The following RNF183 variants were observed in gnomAD, a reference collection of about 807,000 sequenced individuals.
The protein encoded by RNF183 is ring finger protein 183, also known as E3 ubiquitin-protein ligase RNF183.
In RNF183, 4 loss-of-function variants were observed where a neutral mutation model predicts 9.0. That is an observed-to-expected ratio of 0.44 (90% CI 0.22 to 1.01). The LOEUF is 1.01. Among genes scored for constraint, RNF183 ranks in the 50% least tolerant of loss-of-function variants. The pLI is 0.25. For synonymous variants in RNF183, 102 were observed against 107.5 expected, an observed-to-expected ratio of 0.95 and a Z score of 0.32; for missense variants, 227 against 253.6, an observed-to-expected ratio of 0.89 and a Z score of 0.71.
In RNF183 at chr9:113,298,175, G is replaced by C; in HGVS notation, c.10C>G (p.Gln4Glu). 6.2e-7 allele frequency: 1 copy of C among 1,610,790 alleles called. No individual in the cohort carries two copies. Among genetic ancestry groups the C allele is most frequent in the Non-Finnish European group, 8.5e-7 (1 of 1,178,060 alleles). Residue 4 changes from glutamine (Q) to glutamate (E), a missense_variant, in exon 5 of 5, where the codon CAG becomes GAG. By Grantham distance (29) the Gln-to-Glu change is conservative. Transcript: ENST00000489339. The surrounding 1 kb of genome is among the most constrained non-coding windows in gnomAD (Gnocchi z 4.9). MAE[Q>E]QGRELEAECP... ...TCAGCCTCAAGCTCCCGGCCCTGCT[G>C]CTCAGCCATCCTCAGCCACACACGG... is the stretch of plus-strand genomic sequence containing the variant.
In RNF183 at chr9:113,297,995, CT is replaced by C; in HGVS notation, c.189del (p.Val64CysfsTer88). 6.2e-7 allele frequency: 1 copy of C among 1,613,914 alleles called. No homozygotes were observed. The highest frequency in any genetic ancestry group is 1.1e-5 in the South Asian group (1 of 91,058). Reference sequence around the variant, plus strand: ...GTGACAGGCTGCCCTGAGGCCAGCACTGTGGGCTGGCGACAGAGTGGGCACA... The same window carrying C: ...GTGACAGGCTGCCCTGAGGCCAGCACGTGGGCTGGCGACAGAGTGGGCACA... ...RLLCPLCRQP[T>X]VLASGQPVTD... is the part of the protein sequence containing the mutation. On this transcript the variant is annotated frameshift_variant, in exon 5 of 5. Transcript: ENST00000489339. LOFTEE classifies it high-confidence loss of function.
At chr9:113,302,845 G>C (rs570600491) in intron 1 of RNF183, among the ~76,000 whole-genome samples, 1 of 152,228 alleles carries the variant, frequency 6.6e-6, no homozygotes, top group African/African-American at 2.4e-5. Flanking sequence ...ATTATTTTTA[G>C]ACCCATTTTC....
At chr9:113,301,785 G>A (rs1832925286) in intron 2 of RNF183, 34 bp from the exon 3 acceptor site, 1 of 152,230 alleles carries the variant, frequency 6.6e-6, no homozygotes, top group African/African-American at 2.4e-5. Flanking sequence ...TGCCCATCCA[G>A]GCGCTGGTTT....
At position 113,298,436 on chromosome 9, in the gene RNF183, C is replaced by G. The variant is rs891132324; in HGVS notation, c.-37-215G>C. 1.9e-6 allele frequency: 1 copy of G among 533,536 alleles called. No homozygotes were observed. Among genetic ancestry groups the G allele is most frequent in the Admixed American group, 3.5e-5 (1 of 28,826 alleles). The allele number at this position is 533,536 out of a possible 1,614,324, so 33.1% of individuals were successfully genotyped here. ...CTGTCAAGGTGAAGGCCTGGGCCACCCCTACCAAGAGCCCCCAAGAGAGCC... is the reference window on the plus strand; with the variant it reads ...CTGTCAAGGTGAAGGCCTGGGCCACGCCTACCAAGAGCCCCCAAGAGAGCC... On this transcript the variant is annotated intron_variant, in intron 4 of 4. Coordinates refer to ENST00000489339, the MANE Select transcript of RNF183 (RefSeq NM_001371237.1). The surrounding 1 kb of genome is among the most constrained non-coding windows in gnomAD (Gnocchi z 4.9).
Position 113,299,693 on chromosome 9 carries a change from C to T in RNF183, c.-159G>A, listed in dbSNP as rs1345820955. ...AGTTGGAGGGAGGCGCACTCCAGCCCAGCTTCTCCGTTTCAACCAGAAATA... is the reference window on the plus strand; with the variant it reads ...AGTTGGAGGGAGGCGCACTCCAGCCTAGCTTCTCCGTTTCAACCAGAAATA... On this transcript the variant is annotated 5_prime_UTR_variant, in exon 4 of 5. Transcript: ENST00000489339. 1.3e-5 allele frequency: 2 copies of T among 152,204 alleles called. No individual in the cohort carries two copies. Among genetic ancestry groups the T allele is most frequent in the African/African-American group, 4.8e-5 (2 of 41,442 alleles). The allele number at this position is 152,204 out of a possible 1,614,324, so 9.4% of individuals were successfully genotyped here.
At position 113,298,247 on chromosome 9, in the gene RNF183, G is replaced by T; in HGVS notation, c.-37-26C>A. The T allele has an allele frequency of 7.1e-7, 1 of 1,413,196 alleles. No individual in the cohort carries two copies. The highest frequency in any genetic ancestry group is 9.8e-7 in the Non-Finnish European group (1 of 1,016,258). The allele number at this position is 1,413,196 out of a possible 1,614,324, so 87.5% of individuals were successfully genotyped here. ...CTGGCAGAAGGGGGAAAGGAGCAAA[G>T]GAACAGCCATGAAGTCCCATCCTTG... On this transcript the variant is annotated intron_variant, in intron 4 of 4. Transcript: ENST00000489339. The surrounding 1 kb of genome is among the most constrained non-coding windows in gnomAD (Gnocchi z 4.9).
At chr9:113,301,409 C>T (rs114247456) in intron 3 of RNF183, among the ~76,000 whole-genome samples, 5 of 152,226 alleles carry the variant, frequency 3.3e-5, no homozygotes, top group Non-Finnish European at 5.9e-5. Flanking sequence ...ATGATAATTG[C>T]GTGTGTCTTT....
intron 3 of RNF183, among the ~76,000 whole-genome samples, chr9:113,300,692 G>A (rs1832891208): frequency 6.6e-6 from 1 of 152,274 alleles, no homozygotes; most frequent in African/African-American, 2.4e-5. Context: ...AAGGAGCCCA[G>A]GGTGATCAAG....
rs1832814454 is a variant in RNF183, at chr9:113,298,524, G to A, written c.-37-303C>T. On this transcript the variant is annotated intron_variant, in intron 4 of 4. Coordinates refer to ENST00000489339, the MANE Select transcript of RNF183 (RefSeq NM_001371237.1). This position sits in a 1 kb window ranked among gnomAD's most constrained non-coding sequence, Gnocchi z 4.9. The stretch of plus-strand genomic sequence containing the variant: ...GACGCAAATGCTCCTTATGGTCATT[G>A]TCTGTGCCCTTGGCTGCCCTGAATC... The A allele has an allele frequency of 3.5e-6, 1 of 287,052 alleles. No individual in the cohort carries two copies. Among genetic ancestry groups the A allele is most frequent in the Non-Finnish European group, 6.5e-6 (1 of 153,598 alleles). 17.8% of individuals were successfully genotyped at this position (287,052 alleles called of 1,614,324 possible).
chr9:113,302,444 C>T (rs28440160), intron 1 of RNF183, 131 bp from the exon 2 acceptor site: 30,797 of 152,106 alleles, frequency 0.2, 4,148 homozygotes, highest in East Asian at 0.37. Flanking sequence ...ATCAATTGTC[C>T]CCAGCATCAC....
intron 3 of RNF183, among the ~76,000 whole-genome samples, chr9:113,300,899 G>C (rs868116239): frequency 4.6e-5 from 7 of 152,180 alleles, no homozygotes; most frequent in African/African-American, 1.7e-4. Context: ...ACACCCGTTC[G>C]GGCTGCAGCA....
Position 113,297,477 on chromosome 9 carries a change from A to G in RNF183, c.*129T>C, listed in dbSNP as rs1184442673. 2 of 599,274 alleles carry G rather than the reference A, an allele frequency of 3.3e-6. No individual in the cohort carries two copies. Among genetic ancestry groups the G allele is most frequent in the Non-Finnish European group, 5.6e-6 (2 of 357,926 alleles). The allele number at this position is 599,274 out of a possible 1,614,324, so 37.1% of individuals were successfully genotyped here. A position where few individuals can be genotyped will look rare whatever the true frequency, so the allele number is the denominator to read the frequency against. On this transcript the variant is annotated 3_prime_UTR_variant, in exon 5 of 5. Coordinates refer to ENST00000489339, the MANE Select transcript of RNF183 (RefSeq NM_001371237.1). ...TAAAATTGTTCCCAGAAGCAAACAC[A>G]TGGCCTGAACAATCCCTGGATTGTA...
chr9:113,297,756 G>C lies in RNF183; in HGVS notation c.429C>G (p.Ile143Met). The change falls in exon 5 of 5, where the codon ATC becomes ATG. Residue 143 changes from isoleucine to methionine, a missense_variant. Transcript: ENST00000489339. ...TCAAAGAGTGGTGGCTGGGGATGAG[G>C]ATGGGCGTAGACACGGTGGCAGAGG... ...DTASATVSTP[I>M]LIPSHHSLRE... 6.2e-7 allele frequency: 1 copy of C among 1,614,128 alleles called. No individual in the cohort carries two copies. The highest frequency in any genetic ancestry group is 8.5e-7 in the Non-Finnish European group (1 of 1,180,002).
Position 113,297,695 on chromosome 9 carries a change from C to T in RNF183, c.490G>A (p.Ala164Thr). 6.2e-7 allele frequency: 1 copy of T among 1,614,020 alleles called. No individual in the cohort carries two copies. The highest frequency in any genetic ancestry group is 8.5e-7 in the Non-Finnish European group (1 of 1,179,998). The change falls in exon 5 of 5, where the codon GCC becomes ACC. Residue 164 changes from alanine to threonine, a missense_variant. By Grantham distance (58) the Ala-to-Thr change is moderately conservative. Transcript: ENST00000489339. The part of the protein sequence containing the change: ...CFRNPQFRIF[A>T]YLMAVILSVT... ...CTGAGGATGACGGCCATCAGGTAGG[C>T]AAAGATGCGGAACTGAGGGTTGCGG...
At chr9:113,300,761 G>T (rs1207419529) in intron 3 of RNF183, among the ~76,000 whole-genome samples, 1 of 152,160 alleles carries the variant, frequency 6.6e-6, no homozygotes, top group Non-Finnish European at 1.5e-5. Flanking sequence ...TGTGAACTCA[G>T]GAGCTCATCT....
chr9:113,297,972 G>T lies in RNF183; in HGVS notation c.213C>A (p.Val71=). 1 of 1,613,916 alleles carries T rather than the reference G, an allele frequency of 6.2e-7. No individual in the cohort carries two copies. Among genetic ancestry groups the T allele is most frequent in the Non-Finnish European group, 8.5e-7 (1 of 1,179,910 alleles). ...QPTVLASGQP[V]TDLPTDTAML... ...TGGCAGTGTCCGTGGGCAAGTCAGTGACAGGCTGCCCTGAGGCCAGCACTG... is the reference window on the plus strand; with the variant it reads ...TGGCAGTGTCCGTGGGCAAGTCAGTTACAGGCTGCCCTGAGGCCAGCACTG... The change falls in exon 5 of 5, where the codon GTC becomes GTA. Residue 71 remains valine (V), a synonymous_variant. Coordinates refer to ENST00000489339, the MANE Select transcript of RNF183 (RefSeq NM_001371237.1).
intron 3 of RNF183, among the ~76,000 whole-genome samples, chr9:113,301,334 T>C (rs999683842): frequency 2.8e-4 from 43 of 152,336 alleles, no homozygotes; most frequent in African/African-American, 8.2e-4. Flanking sequence ...GTCTAGCCTG[T>C]TGCTCCTAGG....
rs545377724 is a variant in RNF183, at chr9:113,298,074, G to A, written c.111C>T (p.Cys37=). Residue 37 remains cysteine (C), a synonymous_variant, in exon 5 of 5, where the codon TGC becomes TGT. Transcript: ENST00000489339. The surrounding 1 kb of genome is among the most constrained non-coding windows in gnomAD (Gnocchi z 4.9). ...GGCTGAGGTGGGCCAGACATTCCAC[G>A]CAGAAGGAGTGGCAGCAATCCAGCA... ...PKMLDCCHSF[C]VECLAHLSLV... The A allele has an allele frequency of 1.1e-5, 17 of 1,614,064 alleles. No individual in the cohort carries two copies. The South Asian group carries it at 1.1e-4, about 10-fold the overall frequency.
In RNF183 at chr9:113,298,231, G is replaced by C; in HGVS notation, c.-37-10C>G. 1 of 1,503,956 alleles carries C rather than the reference G, an allele frequency of 6.6e-7. No homozygotes were observed. The highest frequency in any genetic ancestry group is 9.1e-7 in the Non-Finnish European group (1 of 1,095,186). The allele number at this position is 1,503,956 out of a possible 1,614,324, so 93.2% of individuals were successfully genotyped here. A position where few individuals can be genotyped will look rare whatever the true frequency, so the allele number is the denominator to read the frequency against. On this transcript the variant is annotated splice_polypyrimidine_tract_variant and intron_variant, in intron 4 of 4. Transcript: ENST00000489339. The surrounding 1 kb of genome is among the most constrained non-coding windows in gnomAD (Gnocchi z 4.9). Reference sequence around the variant, plus strand: ...CTTCGCGGGAGACGTCCTGGCAGAAGGGGGAAAGGAGCAAAGGAACAGCCA... The same window carrying C: ...CTTCGCGGGAGACGTCCTGGCAGAACGGGGAAAGGAGCAAAGGAACAGCCA...
Sources: gnomAD v4.1 joint callset for allele counts (sites outside exome capture counted in the v4.1 genomes callset) on GRCh38, gnomAD v4.1.1 for gene constraint, Gnocchi (gnomAD v3.1) non-coding constraint, MANE v1.5 for transcripts, NCBI Gene and HGNC (gene_info 2026-07-23, HGNC 2026-07-21) for gene names.